The following KCND2 variants were observed in gnomAD, a reference collection of about 807,000 sequenced individuals.
KCND2 encodes the protein potassium voltage-gated channel subfamily D member 2.
Under a neutral mutation model 54.4 loss-of-function variants are expected in KCND2, and 16 were observed. The ratio of observed to expected loss-of-function variants is 0.29; its 90% CI spans 0.20 to 0.45. The LOEUF is 0.45. Ranked by LOEUF, KCND2 falls within the 20% of genes least tolerant of loss-of-function variation. The pLI is 1.00. For synonymous variants in KCND2, 317 were observed against 310.7 expected (o/e 1.02, Z -0.21); for missense variants, 486 against 824.2 (o/e 0.59, Z 5.02).
At chr7:120,529,466 A>G (rs1791817265) in intron 1 of KCND2, among the ~76,000 whole-genome samples, 1 of 152,056 alleles carries the variant, frequency 6.6e-6, no homozygotes, top group African/African-American at 2.4e-5. Context: ...CTAAATTTCA[A>G]CTATGTCAGT....
At chr7:120,441,430 A>G (rs185751704) in intron 1 of KCND2, among the ~76,000 whole-genome samples, 2 of 152,212 alleles carry the variant, frequency 1.3e-5, no homozygotes, top group East Asian at 3.9e-4. Context: ...TTCTTCTGGA[A>G]ATAGCTCTTT....
chr7:120,496,303 G>A (rs566706971), intron 1 of KCND2, among the ~76,000 whole-genome samples: 11 of 151,988 alleles, frequency 7.2e-5, no homozygotes, highest in Non-Finnish European at 1.6e-4. Flanking sequence ...CTTGGTTCTG[G>A]TAAGGCCACA....
chr7:120,506,036 A>G (rs1022147164), intron 1 of KCND2, among the ~76,000 whole-genome samples: 1 of 151,688 alleles, frequency 6.6e-6, no homozygotes, highest in African/African-American at 2.4e-5. Flanking sequence ...AATACTTTAA[A>G]CTGTTTGTTA....
At chr7:120,511,709 G>A (rs145690594) in intron 1 of KCND2, among the ~76,000 whole-genome samples, 2 of 152,090 alleles carry the variant, frequency 1.3e-5, no homozygotes, top group East Asian at 3.9e-4. Flanking sequence ...TTTTGATATT[G>A]TTTTCTTGAC....
intron 1 of KCND2, among the ~76,000 whole-genome samples, chr7:120,361,783 C>T (rs187909877): frequency 1.4e-4 from 21 of 151,972 alleles, no homozygotes; most frequent in Non-Finnish European, 2.9e-4. Flanking sequence ...AATGAGAGAA[C>T]GTGGTTGAAA....
At chr7:120,669,807 C>G (rs866127937) in intron 1 of KCND2, among the ~76,000 whole-genome samples, 4 of 152,106 alleles carry the variant, frequency 2.6e-5, no homozygotes, top group Admixed American at 6.5e-5. Flanking sequence ...CCATAGTAGC[C>G]AATGGGATAC....
chr7:120,630,475 C>G (rs1793219617), intron 1 of KCND2, among the ~76,000 whole-genome samples: 1 of 152,100 alleles, frequency 6.6e-6, no homozygotes, highest in Admixed American at 6.5e-5. Context: ...CAGGTCCATT[C>G]CTTCAGGTAT....
At chr7:120,690,012 G>C (rs1433195418) in intron 1 of KCND2, among the ~76,000 whole-genome samples, 4 of 152,070 alleles carry the variant, frequency 2.6e-5, no homozygotes, top group African/African-American at 9.7e-5. Context: ...CAATTCTCCT[G>C]GACCCTTTCT....
intron 1 of KCND2, among the ~76,000 whole-genome samples, chr7:120,399,915 A>C (rs547962605): frequency 1.3e-5 from 2 of 152,064 alleles, no homozygotes; most frequent in African/African-American, 4.8e-5. Context: ...TAGCAGAGAC[A>C]GAGTTTGACC....
chr7:120,290,970 T>C (rs1383415507), intron 1 of KCND2, among the ~76,000 whole-genome samples: 2 of 152,008 alleles, frequency 1.3e-5, no homozygotes, highest in Non-Finnish European at 2.9e-5. Context: ...AGTAGATTTA[T>C]TTGGCACTCA....
chr7:120,488,576 A>G (rs2116294606), intron 1 of KCND2, among the ~76,000 whole-genome samples: 1 of 152,266 alleles, frequency 6.6e-6, no homozygotes, highest in Non-Finnish European at 1.5e-5. Context: ...AAGTGAATAT[A>G]TTATCGTAAC....
At chr7:120,485,746 G>A (rs902496308) in intron 1 of KCND2, among the ~76,000 whole-genome samples, 27 of 151,862 alleles carry the variant, frequency 1.8e-4, no homozygotes, top group Admixed American at 4.6e-4. Flanking sequence ...CTTCCTAATG[G>A]GTCTTATTTA....
At chr7:120,615,646 C>T (rs913960005) in intron 1 of KCND2, among the ~76,000 whole-genome samples, 1 of 152,098 alleles carries the variant, frequency 6.6e-6, no homozygotes, top group Non-Finnish European at 1.5e-5. Context: ...TTGTTTCTTC[C>T]CAATTGCCAA....
chr7:120,510,440 A>G (rs1055608510), intron 1 of KCND2, among the ~76,000 whole-genome samples: 4 of 152,088 alleles, frequency 2.6e-5, no homozygotes, highest in Non-Finnish European at 5.9e-5. Flanking sequence ...TTGTCAATCC[A>G]ATGAAGATGT....
At chr7:120,679,599 A>C (rs930420847) in intron 1 of KCND2, among the ~76,000 whole-genome samples, 1 of 152,096 alleles carries the variant, frequency 6.6e-6, no homozygotes, top group Admixed American at 6.6e-5. Context: ...TTTTATGCAC[A>C]TAATTATTTT....
chr7:120,541,499 T>C (rs1267797974), intron 1 of KCND2, among the ~76,000 whole-genome samples: 1 of 152,106 alleles, frequency 6.6e-6, no homozygotes, highest in East Asian at 1.9e-4. Context: ...CAACAGGACC[T>C]TGTGAAAGAA....
At chr7:120,502,778 A>G (rs1458612399) in intron 1 of KCND2, among the ~76,000 whole-genome samples, 1 of 151,990 alleles carries the variant, frequency 6.6e-6, no homozygotes, top group South Asian at 2.1e-4. Context: ...TGTATCTACC[A>G]ACTTCAGAGG....
At chr7:120,652,310 G>A (rs1435767618) in intron 1 of KCND2, among the ~76,000 whole-genome samples, 4 of 151,978 alleles carry the variant, frequency 2.6e-5, no homozygotes, top group East Asian at 1.9e-4. Context: ...TCCTGAATTC[G>A]TGGTCCACTT....
intron 1 of KCND2, among the ~76,000 whole-genome samples, chr7:120,643,125 C>T (rs1030684468): frequency 6.6e-6 from 1 of 152,130 alleles, no homozygotes; most frequent in Non-Finnish European, 1.5e-5. Flanking sequence ...ATACTGATAT[C>T]TTTTACAGAA....
Sources: allele counts gnomAD v4.1 joint callset (sites outside exome capture counted in the v4.1 genomes callset), GRCh38; gene constraint gnomAD v4.1.1; transcripts MANE v1.5; gene names NCBI Gene and HGNC (gene_info 2026-07-23, HGNC 2026-07-21).